Variants in KCNIP1 observed in about 807,000 individuals in gnomAD.
KCNIP1 encodes potassium voltage-gated channel interacting protein 1.
A neutral mutation model predicts 33.0 loss-of-function variants in KCNIP1; 18 were observed. The observed-to-expected ratio is 0.55, with a 90% CI of 0.38 to 0.81. KCNIP1 has a LOEUF of 0.81. Ranked by LOEUF, KCNIP1 falls within the 30% of genes least tolerant of loss-of-function variation. The pLI is 0.00. For synonymous variants in KCNIP1, 93 were observed against 98.3 expected (o/e 0.95, Z 0.32); for missense variants, 238 against 271.6 (o/e 0.88, Z 0.87).
chr5:170,736,024 G>C lies in KCNIP1; in HGVS notation c.*218G>C. 1.8e-6 allele frequency: 1 copy of C among 557,280 alleles called. No individual in the cohort carries two copies. The allele number at this position is 557,280 out of a possible 1,614,324, so 34.5% of individuals were successfully genotyped here. A position where few individuals can be genotyped will look rare whatever the true frequency, so the allele number is the denominator to read the frequency against. ...CTTCCTCTTTCTTCTTCTTGAGAGAGACAAGATGAAATTTGAGTTTGTTTT... is the reference window on the plus strand; with the variant it reads ...CTTCCTCTTTCTTCTTCTTGAGAGACACAAGATGAAATTTGAGTTTGTTTT... On this transcript the variant is annotated 3_prime_UTR_variant, in exon 8 of 8. Coordinates refer to ENST00000328939, the MANE Select transcript of KCNIP1 (RefSeq NM_014592.4).
chr5:170,636,231 G>A (rs994177301), intron 1 of KCNIP1, among the ~76,000 whole-genome samples: 10 of 152,352 alleles, frequency 6.6e-5, no homozygotes, highest in African/African-American at 1.9e-4. Flanking sequence ...CGTCATTGGC[G>A]TAGAGACAGC....
intron 1 of KCNIP1, among the ~76,000 whole-genome samples, chr5:170,397,258 T>C (rs369616950): frequency 6.6e-6 from 1 of 152,206 alleles, no homozygotes; most frequent in South Asian, 2.1e-4. Context: ...CATTCTATTT[T>C]TGGCGTACAG....
intron 1 of KCNIP1, among the ~76,000 whole-genome samples, chr5:170,652,023 C>T (rs774255248): frequency 2.0e-5 from 3 of 152,100 alleles, no homozygotes; most frequent in South Asian, 2.1e-4. Context: ...GGAAGTTACT[C>T]GGCAAATAAA....
upstream of KCNIP1, among the ~76,000 whole-genome samples, chr5:170,500,334 C>T (rs1757386748): frequency 6.6e-6 from 1 of 152,168 alleles, no homozygotes; most frequent in South Asian, 2.1e-4. Context: ...ATTCAGTCCA[C>T]ACCGGGGTGC....
intron 1 of KCNIP1, among the ~76,000 whole-genome samples, chr5:170,677,350 A>G (rs1183268417): frequency 6.6e-6 from 1 of 152,066 alleles, no homozygotes; most frequent in African/African-American, 2.4e-5. Flanking sequence ...CCACACTCCC[A>G]CTTACTGGGT....
intron 1 of KCNIP1, among the ~76,000 whole-genome samples, chr5:170,417,068 A>G (rs1293862395): frequency 2.0e-5 from 3 of 152,240 alleles, no homozygotes; most frequent in Non-Finnish European, 4.4e-5. Context: ...ATTATTTAGT[A>G]TGTGGAACTC....
intron 1 of KCNIP1, chr5:170,354,047 A>G: frequency 2.4e-6 from 3 of 1,246,612 alleles, no homozygotes; most frequent in East Asian, 2.4e-5. Flanking sequence ...GAGCGTGACC[A>G]TTCTGGTGCA....
At chr5:170,702,937 C>T (rs568087160) in intron 1 of KCNIP1, among the ~76,000 whole-genome samples, 1 of 148,486 alleles carries the variant, frequency 6.7e-6, no homozygotes, top group East Asian at 2.3e-4. Flanking sequence ...TTCTCTGAGC[C>T]TCCGTCTTCT....
At chr5:170,642,252 C>G (rs1475940698) in intron 1 of KCNIP1, 1 of 152,410 alleles carries the variant, frequency 6.6e-6, no homozygotes, top group East Asian at 1.9e-4. Context: ...GGTGGTCAGC[C>G]CTCCTCCTGC....
At chr5:170,440,875 G>A (rs548820060) in intron 1 of KCNIP1, among the ~76,000 whole-genome samples, 1 of 152,272 alleles carries the variant, frequency 6.6e-6, no homozygotes, top group South Asian at 2.1e-4. Context: ...CTTCCGCTCT[G>A]GACAGCATGG....
chr5:170,721,324 G>A (rs1009801710), intron 3 of KCNIP1, among the ~76,000 whole-genome samples: 1 of 152,144 alleles, frequency 6.6e-6, no homozygotes, highest in South Asian at 2.1e-4. Flanking sequence ...TGTATGCCAG[G>A]CACAGCTGTA....
At chr5:170,465,051 T>A (rs903337716) in intron 1 of KCNIP1, among the ~76,000 whole-genome samples, 1 of 152,110 alleles carries the variant, frequency 6.6e-6, no homozygotes, top group Non-Finnish European at 1.5e-5. Context: ...GATCTTTCAG[T>A]CTTTCAACTT....
At chr5:170,459,648 G>T (rs1756462147) in intron 1 of KCNIP1, among the ~76,000 whole-genome samples, 1 of 152,056 alleles carries the variant, frequency 6.6e-6, no homozygotes, top group Non-Finnish European at 1.5e-5. Flanking sequence ...CTGAATGACA[G>T]TACTGACACA....
intron 1 of KCNIP1, among the ~76,000 whole-genome samples, chr5:170,589,384 T>C (rs533339734): frequency 6.6e-6 from 1 of 152,340 alleles, no homozygotes; most frequent in South Asian, 2.1e-4. Context: ...TCTGTTTTAA[T>C]TAGGTATTCA....
At chr5:170,531,819 C>T (rs572663328) in intron 1 of KCNIP1, among the ~76,000 whole-genome samples, 3 of 152,082 alleles carry the variant, frequency 2.0e-5, no homozygotes, top group South Asian at 4.2e-4. Context: ...AAGCCCCACC[C>T]TTCCCAGCAA....
intron 1 of KCNIP1, among the ~76,000 whole-genome samples, chr5:170,414,041 T>C (rs1261662918): frequency 6.6e-6 from 1 of 151,924 alleles, no homozygotes; most frequent in Non-Finnish European, 1.5e-5. Context: ...GTGACTAAGA[T>C]TAATGGGCAT....
At chr5:170,639,861 T>C (rs907262295) in intron 1 of KCNIP1, among the ~76,000 whole-genome samples, 4 of 152,224 alleles carry the variant, frequency 2.6e-5, no homozygotes, top group African/African-American at 9.6e-5. Context: ...AAAAACATTA[T>C]TTTGCATCAC....
intron 1 of KCNIP1, among the ~76,000 whole-genome samples, chr5:170,658,713 A>G (rs1304144252): frequency 6.6e-6 from 1 of 152,198 alleles, no homozygotes; most frequent in African/African-American, 2.4e-5. Flanking sequence ...AGGCCACAGC[A>G]AAAGCATGAG....
At chr5:170,538,979 A>G (rs1451082496) in intron 1 of KCNIP1, among the ~76,000 whole-genome samples, 1 of 151,654 alleles carries the variant, frequency 6.6e-6, no homozygotes, top group Non-Finnish European at 1.5e-5. Flanking sequence ...CTGGCTTTCT[A>G]TTCCTCCTTC....
Sources: gnomAD v4.1 joint callset for allele counts (sites outside exome capture counted in the v4.1 genomes callset) on GRCh38, gnomAD v4.1.1 for gene constraint, MANE v1.5 for transcripts, NCBI Gene and HGNC (gene_info 2026-07-23, HGNC 2026-07-21) for gene names.